DMXL2: variants seen among roughly 807,000 people sequenced by gnomAD.
The protein encoded by DMXL2 is dmX-like protein 2.
Under a neutral mutation model 331.1 loss-of-function variants are expected in DMXL2, and 103 were observed. The observed-to-expected ratio is 0.31, with a 90% confidence interval of 0.27 to 0.37. The LOEUF is 0.37. Ranked by LOEUF, DMXL2 falls within the 10% of genes least tolerant of loss-of-function variation. DMXL2 has a pLI of 1.00. For missense variants in DMXL2, 3,171 were observed against 3,642.9 expected (o/e 0.87, Z 3.33); for synonymous variants, 1,281 against 1,252.1 (o/e 1.02, Z -0.49).
intron 34 of DMXL2, 78 bp downstream of exon 34, chr15:51,459,520 C>A (rs1176268060): frequency 3.3e-6 from 4 of 1,205,956 alleles, no homozygotes; most frequent in Non-Finnish European, 4.4e-6. Context: ...TTGGGCAGGT[C>A]ATGGTTAGTA....
chr15:51,590,545 T>C (rs1040913481), intron 1 of DMXL2, among the ~76,000 whole-genome samples: 1 of 152,034 alleles, frequency 6.6e-6, no homozygotes, highest in African/African-American at 2.4e-5. Flanking sequence ...TAAGGTAATC[T>C]GCCTTGACTA....
chr15:51,468,016 A>G (rs1566990490), intron 29 of DMXL2, among the ~76,000 whole-genome samples: 1 of 152,144 alleles, frequency 6.6e-6, no homozygotes. Context: ...GTGAGCCACC[A>G]TGCCGGGCCT....
chr15:51,537,805 T>A (rs758007635), intron 10 of DMXL2, 46 bp from the exon 11 acceptor site: 2 of 1,550,812 alleles, frequency 1.3e-6, no homozygotes, highest in Admixed American at 1.8e-5. Context: ...AAATAATTCA[T>A]TTACATACTA....
chr15:51,489,762 T>C (rs2042662374), intron 20 of DMXL2, among the ~76,000 whole-genome samples: 1 of 152,230 alleles, frequency 6.6e-6, no homozygotes, highest in East Asian at 1.9e-4. Flanking sequence ...CCCTATCATT[T>C]AACTTAGTGC....
chr15:51,510,636 C>T (rs915248173), intron 15 of DMXL2, among the ~76,000 whole-genome samples: 6 of 152,238 alleles, frequency 3.9e-5, no homozygotes, highest in African/African-American at 1.4e-4. Flanking sequence ...TTTATAGATT[C>T]AATGCTATCC....
chr15:51,594,871 T>C (rs1437501896), intron 1 of DMXL2, among the ~76,000 whole-genome samples: 1 of 152,218 alleles, frequency 6.6e-6, no homozygotes, highest in African/African-American at 2.4e-5. Context: ...ACAACCTTCA[T>C]GCTAAAAACT....
chr15:51,547,932 G>C (rs1203578547), intron 6 of DMXL2, among the ~76,000 whole-genome samples: 2 of 152,094 alleles, frequency 1.3e-5, no homozygotes, highest in Admixed American at 6.6e-5. Context: ...CTATGACACA[G>C]ATTCTTCTTT....
chr15:51,590,507 T>C (rs1337537405), intron 1 of DMXL2, among the ~76,000 whole-genome samples: 2 of 152,208 alleles, frequency 1.3e-5, no homozygotes, highest in Non-Finnish European at 2.9e-5. Context: ...TTCTCTTTTC[T>C]ATATCCTTAC....
chr15:51,557,228 T>A (rs914479698), intron 6 of DMXL2, among the ~76,000 whole-genome samples: 1 of 152,166 alleles, frequency 6.6e-6, no homozygotes, highest in African/African-American at 2.4e-5. Flanking sequence ...AAAAACTGCA[T>A]TTCTATATAC....
intron 33 of DMXL2, chr15:51,459,931 A>C (rs2039973983): frequency 6.4e-6 from 7 of 1,089,762 alleles, no homozygotes; most frequent in African/African-American, 4.9e-5. Flanking sequence ...TACAGTTTTA[A>C]GAAATCTAAG....
Position 51,537,733 on chromosome 15 carries a change from C to T in DMXL2, c.1372G>A (p.Ala458Thr). The T allele has an allele frequency of 6.2e-7, 1 of 1,613,308 alleles. No individual in the cohort carries two copies. The highest frequency in any genetic ancestry group is 2.2e-5 in the East Asian group (1 of 44,840). Residue 458 changes from alanine to threonine, a missense_variant, in exon 11 of 44, where the codon GCA (alanine) becomes ACA (threonine). By Grantham distance (58) the Ala-to-Thr change is moderately conservative. This residue lies in a region of DMXL2 where 1,674 missense variants were observed against 1,780.2 expected (regional missense o/e 0.94). Transcript: ENST00000560891. ...HDLSLDRESE[A>T]GTGSSEHEDG... Reference sequence around the variant, plus strand: ...TCATGTTCTGATGATCCTGTACCTGCCTCAGATTCTCTATCCAGGGATAAA... The same window carrying T: ...TCATGTTCTGATGATCCTGTACCTGTCTCAGATTCTCTATCCAGGGATAAA...
At chr15:51,474,210 G>T in intron 28 of DMXL2, 134 bp downstream of exon 28, 1 of 725,172 alleles carries the variant, frequency 1.4e-6, no homozygotes, top group South Asian at 2.4e-5. Context: ...TTAATTATTT[G>T]CTGTCATAAC....
At position 51,480,948 on chromosome 15, in the gene DMXL2, G is replaced by C; in HGVS notation, c.6158C>G (p.Thr2053Ser). 6.2e-7 allele frequency: 1 copy of C among 1,613,902 alleles called. No homozygotes were observed. Among genetic ancestry groups the C allele is most frequent in the Non-Finnish European group, 8.5e-7 (1 of 1,179,922 alleles). The change falls in exon 24 of 44, where the codon ACT becomes AGT. Residue 2053 changes from threonine to serine, a missense_variant. By Grantham distance (58) the Thr-to-Ser change is moderately conservative (BLOSUM62 1). Transcript: ENST00000560891. ...KFRACLKILM[T>S]ELRTLATGYE... Reference sequence around the variant, plus strand: ...ACCTGTAGCCAATGTTCTTAATTCAGTCATAAGGATCTTTAAACAAGCTCT... The same window carrying C: ...ACCTGTAGCCAATGTTCTTAATTCACTCATAAGGATCTTTAAACAAGCTCT...
At chr15:51,463,352 C>T in intron 33 of DMXL2, 27 bp downstream of exon 33, 1 of 1,324,656 alleles carries the variant, frequency 7.5e-7, no homozygotes, top group Non-Finnish European at 1.1e-6. Flanking sequence ...AGAAAAATTA[C>T]AATAGAAAAT....
At chr15:51,612,585 G>T (rs2054045633) in intron 1 of DMXL2, among the ~76,000 whole-genome samples, 1 of 152,182 alleles carries the variant, frequency 6.6e-6, no homozygotes, top group Non-Finnish European at 1.5e-5. Context: ...ATTTTCAAAA[G>T]GGGAGGGAGT....
chr15:51,455,143 ATACT>A lies in DMXL2; in HGVS notation c.8604+4_8604+7del. On this transcript the variant is annotated splice_donor_5th_base_variant and intron_variant, in intron 40 of 43. Transcript: ENST00000560891. ...ATATGCGCCCTGGGAACATTTAGTG[ATACT>A]TACCATATAAGGTTTAGGATTTGAT... 2 of 1,610,764 alleles carry A rather than the reference ATACT, an allele frequency of 1.2e-6. No homozygotes were observed. The highest frequency in any genetic ancestry group is 1.7e-6 in the Non-Finnish European group (2 of 1,176,922).
chr15:51,592,549 T>C (rs187833431), intron 1 of DMXL2, among the ~76,000 whole-genome samples: 178 of 152,200 alleles, frequency 1.2e-3, no homozygotes, highest in Non-Finnish European at 4.7e-4. Flanking sequence ...AACATTCAAA[T>C]TCAGGAAATA....
At chr15:51,604,945 T>C (rs566754168) in intron 1 of DMXL2, among the ~76,000 whole-genome samples, 4 of 152,112 alleles carry the variant, frequency 2.6e-5, no homozygotes, top group East Asian at 1.9e-4. Context: ...CACAAAAATA[T>C]AGCCAATTGA....
At chr15:51,555,565 G>A (rs1289999630) in intron 6 of DMXL2, among the ~76,000 whole-genome samples, 1 of 152,034 alleles carries the variant, frequency 6.6e-6, no homozygotes, top group African/African-American at 2.4e-5. Context: ...AACAGGCAGA[G>A]TACAGAAGAC....
Sources: gnomAD v4.1 joint callset for allele counts (sites outside exome capture counted in the v4.1 genomes callset) on GRCh38, gnomAD v4.1.1 for gene constraint, gnomAD v4.1.1 regional missense constraint, MANE v1.5 for transcripts, NCBI Gene and HGNC (gene_info 2026-07-23, HGNC 2026-07-21) for gene names.